Variants in IL1RAPL1 observed in about 807,000 individuals in gnomAD.
IL1RAPL1 encodes interleukin-1 receptor accessory protein-like 1.
In IL1RAPL1, 3 loss-of-function variants were observed where a neutral mutation model predicts 48.4. The observed-to-expected ratio is 0.06, with a 90% CI of 0.03 to 0.16. The LOEUF (loss-of-function observed/expected upper bound fraction) is 0.16. IL1RAPL1 is among the 10% of genes least tolerant of loss of function. The probability of loss-of-function intolerance (pLI) is 1.00; values close to 1 mark genes in which losing one functional copy is unlikely to be tolerated. For synonymous variants in IL1RAPL1, 185 were observed against 187.7 expected, an observed-to-expected ratio of 0.99 and a Z score of 0.12; for missense variants, 349 against 530.6, an observed-to-expected ratio of 0.66 and a Z score of 3.36.
intron 2 of IL1RAPL1, among the ~76,000 whole-genome samples, chrX:29,087,129 TAA>T (rs770917152): frequency 2.9e-5 from 3 of 103,327 alleles, no homozygotes; most frequent in African/African-American, 1.1e-4. Flanking sequence ...GGACATTATT[TAA>T]AAATTTTTTT....
intron 2 of IL1RAPL1, among the ~76,000 whole-genome samples, chrX:28,944,960 A>G (rs1924258139): frequency 9.1e-6 from 1 of 110,415 alleles, no homozygotes; most frequent in Non-Finnish European, 1.9e-5. Flanking sequence ...GTGTGTGTGT[A>G]TATATATGTT....
chrX:28,897,597 G>T (rs1413007766), intron 2 of IL1RAPL1, among the ~76,000 whole-genome samples: 2 of 111,921 alleles, frequency 1.8e-5, no homozygotes. Flanking sequence ...TGGGCTGGTG[G>T]GTCTGAGGAC....
intron 2 of IL1RAPL1, among the ~76,000 whole-genome samples, chrX:28,871,510 A>G (rs761433075): frequency 2.7e-5 from 3 of 112,060 alleles, no homozygotes; most frequent in African/African-American, 3.2e-5. Context: ...TTCCAAATGT[A>G]GCAGCAACCC....
intron 5 of IL1RAPL1, among the ~76,000 whole-genome samples, chrX:29,423,906 C>T (rs1934320934): frequency 9.0e-6 from 1 of 110,879 alleles, no homozygotes; most frequent in Admixed American, 9.6e-5. Flanking sequence ...ATTCTTCATT[C>T]CCTTTACAAA....
At chrX:29,402,035 A>T (rs1934000039) in intron 5 of IL1RAPL1, among the ~76,000 whole-genome samples, 1 of 111,267 alleles carries the variant, frequency 9.0e-6, no homozygotes, top group Non-Finnish European at 1.9e-5. Context: ...CTGGGATTAT[A>T]GGCCCGTGCC....
intron 8 of IL1RAPL1, among the ~76,000 whole-genome samples, chrX:29,937,955 T>C (rs1933059122): frequency 8.9e-6 from 1 of 111,954 alleles, no homozygotes; most frequent in Non-Finnish European, 1.9e-5. Flanking sequence ...TCTCTAAGCA[T>C]ATATAACTTT....
intron 5 of IL1RAPL1, among the ~76,000 whole-genome samples, chrX:29,656,423 C>T (rs975095964): frequency 5.4e-5 from 6 of 110,525 alleles, no homozygotes; most frequent in African/African-American, 2.0e-4. Context: ...ACTCCCCTCC[C>T]ATCCTTCCCC....
At chrX:28,681,641 A>G (rs1303339471) in intron 1 of IL1RAPL1, among the ~76,000 whole-genome samples, 1 of 111,819 alleles carries the variant, frequency 8.9e-6, no homozygotes, top group Non-Finnish European at 1.9e-5. Context: ...AAGAGGGTAG[A>G]CCTTAAGTGC....
At position 29,184,147 on chromosome X, in the gene IL1RAPL1, T is replaced by TTCTATTATAAAATATACACATAC. The variant is rs1569254578; in HGVS notation, c.83-98790_83-98789insCTATTATAAAATATACACATACT. ...ACTTCTATTATAAAATATACACATA[T>TTCTATTATAAAATATACACATAC]TTCTATTATAAAATATACACCGTCA... On this transcript the variant is annotated intron_variant, in intron 2 of 10. Coordinates refer to ENST00000378993, the MANE Select transcript of IL1RAPL1 (RefSeq NM_014271.4). Among the ~76,000 whole-genome samples, 141 of 111,275 alleles carry TTCTATTATAAAATATACACATAC rather than the reference T, an allele frequency of 1.3e-3. 1 individual carries two copies. Among genetic ancestry groups the TTCTATTATAAAATATACACATAC allele is most frequent in the African/African-American group, 4.4e-3 (136 of 30,635 alleles).
chrX:29,954,478 T>C, intron 9 of IL1RAPL1, 44 bp from the exon 10 acceptor site: 1 of 1,076,758 alleles, frequency 9.3e-7, no homozygotes, highest in Non-Finnish European at 1.3e-6. Context: ...ATTGTTATCT[T>C]TGTAGAGTAG....
intron 5 of IL1RAPL1, among the ~76,000 whole-genome samples, chrX:29,645,577 C>A (rs189888370): frequency 9.0e-6 from 1 of 110,742 alleles, no homozygotes; most frequent in African/African-American, 3.3e-5. Flanking sequence ...ACTTGGCACC[C>A]GAGAGGAGCC....
At chrX:29,163,864 A>G (rs150300756) in intron 2 of IL1RAPL1, among the ~76,000 whole-genome samples, 3 of 111,918 alleles carry the variant, frequency 2.7e-5, no homozygotes, top group Admixed American at 1.9e-4. Flanking sequence ...AAATATCACA[A>G]AATAAAACTG....
At chrX:29,256,007 G>A (rs1392124597) in intron 2 of IL1RAPL1, among the ~76,000 whole-genome samples, 2 of 111,516 alleles carry the variant, frequency 1.8e-5, no homozygotes, top group African/African-American at 3.3e-5. Context: ...TAGTAGTTTT[G>A]TTTTTGGTTA....
intron 2 of IL1RAPL1, among the ~76,000 whole-genome samples, chrX:29,099,472 A>G (rs775658059): frequency 1.8e-5 from 2 of 112,174 alleles, no homozygotes; most frequent in South Asian, 7.4e-4. Context: ...GGTCCTTACA[A>G]TAACATTACT....
At chrX:29,762,792 G>A (rs931107963) in intron 6 of IL1RAPL1, among the ~76,000 whole-genome samples, 1 of 111,525 alleles carries the variant, frequency 9.0e-6, no homozygotes, top group East Asian at 2.8e-4. Context: ...TCCAGATAAA[G>A]ATGGACAATG....
chrX:28,989,620 T>C (rs764382805), intron 2 of IL1RAPL1, among the ~76,000 whole-genome samples: 1 of 112,524 alleles, frequency 8.9e-6, no homozygotes, highest in African/African-American at 3.2e-5. Context: ...CTGTGACATT[T>C]ATATTTTGTG....
At chrX:29,040,556 T>C (rs777257328) in intron 2 of IL1RAPL1, among the ~76,000 whole-genome samples, 11 of 112,322 alleles carry the variant, frequency 9.8e-5, no homozygotes, top group Admixed American at 8.5e-4. Flanking sequence ...CTGCAACTAA[T>C]TGAGTGTCAA....
At chrX:29,090,406 G>A (rs1425737198) in intron 2 of IL1RAPL1, among the ~76,000 whole-genome samples, 3 of 111,791 alleles carry the variant, frequency 2.7e-5, no homozygotes, top group Non-Finnish European at 5.7e-5. Flanking sequence ...TTTTTCTAAA[G>A]CTCAAACTGA....
intron 2 of IL1RAPL1, among the ~76,000 whole-genome samples, chrX:28,832,795 T>C (rs1466781737): frequency 1.9e-5 from 2 of 105,878 alleles, no homozygotes; most frequent in Non-Finnish European, 3.9e-5. Context: ...TCTTCCAGCA[T>C]GTCTGTTAAA....
Sources: allele counts gnomAD v4.1 joint callset (sites outside exome capture counted in the v4.1 genomes callset), GRCh38; gene constraint gnomAD v4.1.1; transcripts MANE v1.5; gene names NCBI Gene and HGNC (gene_info 2026-07-23, HGNC 2026-07-21).